The following RHBDD1 variants were observed in gnomAD, a reference collection of about 807,000 sequenced individuals.
The protein encoded by RHBDD1 is rhomboid domain containing 1, also known as rhomboid-related protein 4.
In RHBDD1, 38 loss-of-function variants were observed where a neutral mutation model predicts 36.3. The ratio of observed to expected loss-of-function variants is 1.05; its 90% CI spans 0.81 to 1.37. The LOEUF (loss-of-function observed/expected upper bound fraction) is 1.37. Among genes scored for constraint, RHBDD1 ranks in the 40% most tolerant of loss-of-function variants. The pLI, the probability that RHBDD1 is intolerant of heterozygous loss-of-function variation, is 0.00. For missense variants in RHBDD1, 393 were observed against 377.6 expected (o/e 1.04, Z -0.34); for synonymous variants, 151 against 136.5 (o/e 1.11, Z -0.74).
At chr2:226,800,991 A>G in the RHBDD1 span, among the ~76,000 whole-genome samples, 1 of 152,200 alleles carries the variant, frequency 6.6e-6, no homozygotes, top group Non-Finnish European at 1.5e-5. Flanking sequence ...GCCGACCTAT[A>G]AACAAGCAGT....
At position 226,857,566 on chromosome 2, in the gene RHBDD1, A is replaced by G. The variant is rs1045997746; in HGVS notation, c.-90-7038A>G. Among the ~76,000 whole-genome samples, 3 of 152,232 alleles carry G rather than the reference A, an allele frequency of 2.0e-5. No individual in the cohort carries two copies. The South Asian group carries it at 6.2e-4, about 31-fold the overall frequency. Reference sequence around the variant, plus strand: ...GATGAATGGATGAATAAAATGTGGTATATTCATACAATAAAATACTATTTG... The same window carrying G: ...GATGAATGGATGAATAAAATGTGGTGTATTCATACAATAAAATACTATTTG... On this transcript the variant is annotated intron_variant, in intron 3 of 8. Transcript: ENST00000392062.
chr2:226,919,191 C>G (rs934419882), intron 8 of RHBDD1, among the ~76,000 whole-genome samples: 3 of 151,604 alleles, frequency 2.0e-5, no homozygotes, highest in Non-Finnish European at 4.4e-5. Flanking sequence ...ATGTAAGCAG[C>G]TATTTGAACT....
At chr2:226,890,203 A>C (rs1376649144) in intron 5 of RHBDD1, among the ~76,000 whole-genome samples, 1 of 152,234 alleles carries the variant, frequency 6.6e-6, no homozygotes, top group African/African-American at 2.4e-5. Flanking sequence ...AGAGCCCTTT[A>C]AAAGACCTAA....
intron 8 of RHBDD1, 100 bp from the exon 9 acceptor site, chr2:226,995,331 G>A (rs1222243238): frequency 2.8e-6 from 2 of 718,376 alleles, no homozygotes; most frequent in African/African-American, 1.8e-5. Flanking sequence ...TTAAAATGAA[G>A]ATGACACCCA....
chr2:226,850,815 T>C (rs1274209132), intron 3 of RHBDD1, among the ~76,000 whole-genome samples: 1 of 152,162 alleles, frequency 6.6e-6, no homozygotes, highest in Non-Finnish European at 1.5e-5. Context: ...TGAATAAAAG[T>C]GTTTGTATGC....
At chr2:226,970,160 G>T (rs1303429254) in intron 8 of RHBDD1, among the ~76,000 whole-genome samples, 1 of 151,876 alleles carries the variant, frequency 6.6e-6, no homozygotes, top group Non-Finnish European at 1.5e-5. Flanking sequence ...ATATACTTCT[G>T]CACTGTGCTA....
chr2:226,915,421 C>G (rs1021998094), intron 8 of RHBDD1, among the ~76,000 whole-genome samples: 2 of 151,986 alleles, frequency 1.3e-5, no homozygotes, highest in African/African-American at 4.8e-5. Flanking sequence ...CGCAGGGGTC[C>G]TAGAATTAAA....
At chr2:226,935,883 G>A (rs552515847) in intron 8 of RHBDD1, among the ~76,000 whole-genome samples, 112 of 152,190 alleles carry the variant, frequency 7.4e-4, no homozygotes, top group Non-Finnish European at 1.4e-3. Context: ...ATTCAGTTGC[G>A]TGATTATACA....
chr2:226,925,925 TTGTG>T (rs563661596), intron 8 of RHBDD1, among the ~76,000 whole-genome samples: 1 of 151,922 alleles, frequency 6.6e-6, no homozygotes, highest in Non-Finnish European at 1.5e-5. Context: ...AATGTAGAGT[TTGTG>T]TGTTTGTGTG....
intron 5 of RHBDD1, chr2:226,869,215 G>A: frequency 3.1e-6 from 3 of 981,528 alleles, no homozygotes; most frequent in Non-Finnish European, 3.6e-6. Context: ...TGGAGGCACC[G>A]GTAATTCTGA....
intron 8 of RHBDD1, among the ~76,000 whole-genome samples, chr2:226,994,362 TGTG>T (rs528677779): frequency 4.9e-4 from 74 of 152,080 alleles, no homozygotes; most frequent in Non-Finnish European, 8.5e-4. Context: ...TCTGGCAGGA[TGTG>T]GTGATGATTG....
the RHBDD1 span, among the ~76,000 whole-genome samples, chr2:226,815,897 A>C: frequency 4.8e-4 from 73 of 151,728 alleles, no homozygotes; most frequent in African/African-American, 1.6e-3. Context: ...TGGATCCTTT[A>C]GACATTAAAG....
chr2:226,818,966 T>C, the RHBDD1 span, among the ~76,000 whole-genome samples: 3 of 152,150 alleles, frequency 2.0e-5, no homozygotes, highest in Non-Finnish European at 4.4e-5. Flanking sequence ...TGTGTAGTTT[T>C]CCATAGTCCC....
chr2:226,995,536 G>T lies in RHBDD1; in HGVS notation c.*14G>T, dbSNP rs1056104862. On this transcript the variant is annotated 3_prime_UTR_variant, in exon 9 of 9. Transcript: ENST00000392062. ...GATAGCCAGTGAGGTGGCATCTTGGGAAGACATGGCCTATTCGTGTAATTA... is the reference window on the plus strand; with the variant it reads ...GATAGCCAGTGAGGTGGCATCTTGGTAAGACATGGCCTATTCGTGTAATTA... 1 of 1,557,232 alleles carries T rather than the reference G, an allele frequency of 6.4e-7. No homozygotes were observed. Among genetic ancestry groups the T allele is most frequent in the African/African-American group, 1.4e-5 (1 of 73,712 alleles).
upstream of RHBDD1, among the ~76,000 whole-genome samples, chr2:226,831,669 A>T (rs1940743349): frequency 6.6e-6 from 1 of 152,150 alleles, no homozygotes; most frequent in Admixed American, 6.5e-5. Context: ...ATGAGATAAT[A>T]AATTTCTGTT....
At chr2:226,896,023 T>TA (rs1245409371) in intron 5 of RHBDD1, among the ~76,000 whole-genome samples, 7 of 152,272 alleles carry the variant, frequency 4.6e-5, no homozygotes, top group African/African-American at 1.7e-4. Flanking sequence ...TGTTTTTAGA[T>TA]ATGTTTATGT....
intron 8 of RHBDD1, among the ~76,000 whole-genome samples, chr2:226,955,237 A>G (rs1951712766): frequency 2.0e-5 from 3 of 152,078 alleles, no homozygotes; most frequent in African/African-American, 7.2e-5. Context: ...CTGTTTGCAC[A>G]CCCTTCCCAA....
At chr2:226,929,687 TAGAG>T (rs1209313290) in intron 8 of RHBDD1, among the ~76,000 whole-genome samples, 2 of 151,638 alleles carry the variant, frequency 1.3e-5, no homozygotes, top group African/African-American at 4.8e-5. Flanking sequence ...ACGTTCAAAT[TAGAG>T]AGAGTCAAAA....
chr2:226,921,741 T>G lies in RHBDD1; in HGVS notation c.856+7390T>G, dbSNP rs573498744. Among the ~76,000 whole-genome samples the G allele has an allele frequency of 2.0e-5, 3 of 152,316 alleles. No homozygotes were observed. The East Asian group carries it at 5.8e-4, about 29-fold the overall frequency. Reference sequence around the variant, plus strand: ...TTTTTTCAACTTTTTAATATACTTTTTTGTGGCCTAACATATAGTCTATCC... The same window carrying G: ...TTTTTTCAACTTTTTAATATACTTTGTTGTGGCCTAACATATAGTCTATCC... On this transcript the variant is annotated intron_variant, in intron 8 of 8. Transcript: ENST00000392062.
Sources: allele counts gnomAD v4.1 joint callset (sites outside exome capture counted in the v4.1 genomes callset), GRCh38; gene constraint gnomAD v4.1.1; transcripts MANE v1.5; gene names NCBI Gene and HGNC (gene_info 2026-07-23, HGNC 2026-07-21).